MTUS2: variants seen among roughly 807,000 people sequenced by gnomAD.
MTUS2 encodes microtubule associated scaffold protein 2.
A neutral mutation model predicts 114.1 loss-of-function variants in MTUS2; 40 were observed. The observed-to-expected ratio is 0.35, with a 90% confidence interval of 0.27 to 0.46. MTUS2 has a LOEUF of 0.46. MTUS2 is among the 20% of genes least tolerant of loss of function. The pLI is 1.00. For missense variants in MTUS2, 1,679 were observed against 1,705.4 expected (o/e 0.98, Z 0.27); for synonymous variants, 688 against 672.0 (o/e 1.02, Z -0.37).
chr13:29,124,850 G>A (rs1292551441), intron 5 of MTUS2, among the ~76,000 whole-genome samples: 1 of 152,178 alleles, frequency 6.6e-6, no homozygotes, highest in African/African-American at 2.4e-5. Context: ...AATAAATACT[G>A]CATGATTCCA....
intron 2 of MTUS2, among the ~76,000 whole-genome samples, chr13:28,911,406 C>T (rs976101314): frequency 6.6e-6 from 1 of 151,792 alleles, no homozygotes; most frequent in Non-Finnish European, 1.5e-5. Flanking sequence ...CATCTCCTGA[C>T]CTCGTGATCC....
At chr13:29,309,899 T>A (rs1224656099) in intron 6 of MTUS2, among the ~76,000 whole-genome samples, 1 of 152,170 alleles carries the variant, frequency 6.6e-6, no homozygotes, top group Non-Finnish European at 1.5e-5. Context: ...CAAGCATTTA[T>A]CCTTTCTTTA....
chr13:29,399,452 A>G (rs943748050), intron 8 of MTUS2, among the ~76,000 whole-genome samples: 3 of 152,214 alleles, frequency 2.0e-5, no homozygotes, highest in Non-Finnish European at 4.4e-5. Context: ...CCCTCGTTCA[A>G]ACAACTCTGA....
At chr13:29,448,856 C>T (rs1014844301) in intron 9 of MTUS2, among the ~76,000 whole-genome samples, 1 of 148,332 alleles carries the variant, frequency 6.7e-6, no homozygotes, top group Non-Finnish European at 1.5e-5. Flanking sequence ...CGAGTTCAAG[C>T]GATTCTCCTG....
intron 8 of MTUS2, among the ~76,000 whole-genome samples, chr13:29,368,198 A>C (rs545357879): frequency 1.4e-3 from 217 of 151,876 alleles, no homozygotes; most frequent in Non-Finnish European, 2.6e-3. Flanking sequence ...TCGACCTCCC[A>C]AAGTGCTGGT....
chr13:28,917,696 G>A (rs1014496883), intron 2 of MTUS2, among the ~76,000 whole-genome samples: 2 of 150,650 alleles, frequency 1.3e-5, no homozygotes, highest in African/African-American at 4.9e-5. Flanking sequence ...TTGTTCTTTT[G>A]TATTGTGTTC....
chr13:29,192,624 G>A (rs1048641859), intron 5 of MTUS2, among the ~76,000 whole-genome samples: 3 of 152,138 alleles, frequency 2.0e-5, no homozygotes, highest in Non-Finnish European at 4.4e-5. Flanking sequence ...TACTATATAT[G>A]TATTGAAACA....
At chr13:29,159,282 T>G (rs1231873643) in intron 5 of MTUS2, among the ~76,000 whole-genome samples, 1 of 152,186 alleles carries the variant, frequency 6.6e-6, no homozygotes, top group Non-Finnish European at 1.5e-5. Context: ...TATAAAAAGT[T>G]TTGGACTTAT....
chr13:28,934,372 A>G (rs1316344978), intron 2 of MTUS2, among the ~76,000 whole-genome samples: 1 of 152,024 alleles, frequency 6.6e-6, no homozygotes, highest in Non-Finnish European at 1.5e-5. Flanking sequence ...AGATTCACTC[A>G]CTGTTACATA....
intron 5 of MTUS2, among the ~76,000 whole-genome samples, chr13:29,178,126 G>A (rs777938924): frequency 5.9e-5 from 9 of 152,098 alleles, no homozygotes; most frequent in Non-Finnish European, 1.2e-4. Flanking sequence ...GCTCATATTT[G>A]TAGAATTTAC....
At chr13:28,840,057 A>C (rs560009315) in intron 2 of MTUS2, among the ~76,000 whole-genome samples, 1 of 151,808 alleles carries the variant, frequency 6.6e-6, no homozygotes, top group East Asian at 1.9e-4. Context: ...GCTGTGAGGA[A>C]TCTAGTTAGA....
intron 2 of MTUS2, among the ~76,000 whole-genome samples, chr13:28,901,568 C>A (rs1879644750): frequency 6.6e-6 from 1 of 152,154 alleles, no homozygotes; most frequent in African/African-American, 2.4e-5. Flanking sequence ...GAGGTTCTTT[C>A]TTATGCCTAT....
rs1358190088 is a variant in MTUS2 at position 29,489,569 on chromosome 13, C to T, written c.3505+1564C>T. ...TGAGAGTACTGGTCTCTACCCTCGG[C>T]TACACATTGGAACCACCTGGAAGTT... On this transcript the variant is annotated intron_variant, in intron 11 of 15. Transcript: ENST00000612955. The T allele has an allele frequency of 4.6e-5, 7 of 152,192 alleles. 1 individual carries two copies. Among genetic ancestry groups the T allele is most frequent in the Admixed American group, 4.6e-4 (7 of 15,282 alleles). The allele number at this position is 152,192 out of a possible 1,614,324, so 9.4% of individuals were successfully genotyped here. A position where few individuals can be genotyped will look rare whatever the true frequency, so the allele number is the denominator to read the frequency against.
intron 2 of MTUS2, among the ~76,000 whole-genome samples, chr13:28,980,433 G>A (rs1884308507): frequency 6.6e-6 from 1 of 152,120 alleles, no homozygotes; most frequent in African/African-American, 2.4e-5. Flanking sequence ...ATTTTCCCAG[G>A]ATCTTTGGAG....
chr13:29,452,338 A>G (rs1031108110), intron 9 of MTUS2, among the ~76,000 whole-genome samples: 20 of 152,008 alleles, frequency 1.3e-4, no homozygotes, highest in Non-Finnish European at 2.4e-4. Flanking sequence ...TTTTATGTGG[A>G]GGTGTTTGTT....
At position 29,026,416 on chromosome 13, in the gene MTUS2, C is replaced by T. The variant is rs879113060; in HGVS notation, c.1718C>T (p.Pro573Leu). Reference sequence around the variant, plus strand: ...GCGGGGTCCCCCTTGGTAGTTCCACCCCCTACTGATAGTGCACGCTTGTTG... The same window carrying T: ...GCGGGGTCCCCCTTGGTAGTTCCACTCCCTACTGATAGTGCACGCTTGTTG... ...MDAGSPLVVP[P>L]PTDSARLLNT... The change falls in exon 3 of 16, where the codon CCC becomes CTC. Residue 573 changes from proline (P) to leucine (L), a missense_variant. By Grantham distance (98) the Pro-to-Leu change is moderately conservative (BLOSUM62 -3). Transcript: ENST00000612955. 6 of 1,613,850 alleles carry T rather than the reference C, an allele frequency of 3.7e-6. No homozygotes were observed. The highest frequency in any genetic ancestry group is 5.1e-6 in the Non-Finnish European group (6 of 1,179,846).
rs976334425 is a variant in MTUS2 at position 29,148,472 on chromosome 13, CTTTTTTTTTTTTT to C, written c.2644+47514_2644+47526del. Reference sequence around the variant, plus strand: ...GTGAGAACATGCTGTGTTTGGTTTTCTTTTTTTTTTTTTTTTTTTTTTTTGAGACGGAGTCTCG... The same window carrying C: ...GTGAGAACATGCTGTGTTTGGTTTTCTTTTTTTTTTTGAGACGGAGTCTCG... On this transcript the variant is annotated intron_variant, in intron 5 of 15. Transcript: ENST00000612955. Among the ~76,000 whole-genome samples the C allele has an allele frequency of 1.7e-4, 12 of 71,352 alleles. 2 individuals are homozygous for C. Among genetic ancestry groups the C allele is most frequent in the Non-Finnish European group, 2.7e-4 (10 of 36,632 alleles). 46.8% of individuals were successfully genotyped at this position (71,352 alleles called of 152,430 possible). A position where few individuals can be genotyped will look rare whatever the true frequency, so the allele number is the denominator to read the frequency against.
At chr13:29,306,964 G>A in intron 6 of MTUS2, 1 of 547,490 alleles carries the variant, frequency 1.8e-6, no homozygotes, top group African/African-American at 1.9e-5. Context: ...TGTCAAGGCT[G>A]AGAACAGGAA....
intron 7 of MTUS2, among the ~76,000 whole-genome samples, chr13:29,343,075 G>C (rs1369688912): frequency 6.6e-6 from 1 of 151,756 alleles, no homozygotes; most frequent in Non-Finnish European, 1.5e-5. Context: ...ATTTTGTTGA[G>C]GATTTTTACA....
Sources: gnomAD v4.1 joint callset for allele counts (sites outside exome capture counted in the v4.1 genomes callset) on GRCh38, gnomAD v4.1.1 for gene constraint, MANE v1.5 for transcripts, NCBI Gene and HGNC (gene_info 2026-07-23, HGNC 2026-07-21) for gene names.